Variants in PMFBP1 observed in about 807,000 individuals in gnomAD.
The protein encoded by PMFBP1 is polyamine-modulated factor 1-binding protein 1.
PMFBP1 carries 131 observed loss-of-function variants against 137.8 expected under a neutral mutation model. That is an observed-to-expected ratio of 0.95 (90% CI 0.82 to 1.10). The LOEUF is 1.10. Among genes scored for constraint, PMFBP1 ranks in the 50% least tolerant of loss-of-function variants. The probability of loss-of-function intolerance (pLI) is 0.00; values close to 1 mark genes in which losing one functional copy is unlikely to be tolerated. For missense variants in PMFBP1, 1,199 were observed against 1,175.4 expected, an observed-to-expected ratio of 1.02 and a Z score of -0.29; for synonymous variants, 490 against 450.4, an observed-to-expected ratio of 1.09 and a Z score of -1.11.
In PMFBP1 at chr16:72,135,753, T is replaced by TG. The variant is rs1248595241; in HGVS notation, c.1203+694_1203+695insC. 3.6e-4 allele frequency among the ~76,000 whole-genome samples: 50 copies of TG among 140,322 alleles called. 2 individuals are homozygous for TG. Among genetic ancestry groups the TG allele is most frequent in the East Asian group, 2.2e-3 (11 of 4,938 alleles). The allele number at this position is 140,322 out of a possible 152,430, so 92.1% of individuals were successfully genotyped here. On this transcript the variant is annotated intron_variant, in intron 9 of 20. Coordinates refer to ENST00000237353, the MANE Select transcript of PMFBP1 (RefSeq NM_031293.3). ...TTTAATTTTTCTGTTTTTTTTTTTT[T>TG]TTTTTTTTTTTGAGACAGGGTCTCA...
the PMFBP1 span, among the ~76,000 whole-genome samples, chr16:72,231,880 A>G: frequency 6.6e-6 from 1 of 152,132 alleles, no homozygotes; most frequent in South Asian, 2.1e-4. Context: ...GGTGGGAAAA[A>G]TTTTCCTCAC....
At chr16:72,156,420 C>T (rs888449261) in intron 3 of PMFBP1, among the ~76,000 whole-genome samples, 7 of 151,990 alleles carry the variant, frequency 4.6e-5, no homozygotes, top group African/African-American at 1.4e-4. Flanking sequence ...AGATCGAGAC[C>T]GTCCTGGCTA....
At chr16:72,144,700 G>A (rs1381555335) in intron 5 of PMFBP1, among the ~76,000 whole-genome samples, 5 of 152,098 alleles carry the variant, frequency 3.3e-5, no homozygotes, top group Non-Finnish European at 7.4e-5. Context: ...AATCCTGAAG[G>A]TAGTGAAGGC....
intron 19 of PMFBP1, 79 bp from the exon 20 acceptor site, chr16:72,120,168 G>A: frequency 1.2e-6 from 2 of 1,601,202 alleles, no homozygotes; most frequent in Non-Finnish European, 1.7e-6. Context: ...GACAGATAAA[G>A]GTGTCACAGG....
At position 72,130,207 on chromosome 16, in the gene PMFBP1, T is replaced by C. The variant is rs749145658; in HGVS notation, c.1782+6A>G. 2 of 1,611,760 alleles carry C rather than the reference T, an allele frequency of 1.2e-6. No homozygotes were observed. The highest frequency in any genetic ancestry group is 2.7e-5 in the African/African-American group (2 of 75,012). ...CTTGAATGGGCCATCTGCCTGCCCG[T>C]CATACCTGGTGCTTGATACGATCAA... is the stretch of plus-strand genomic sequence containing the variant. On this transcript the variant is annotated splice_donor_region_variant and intron_variant, in intron 12 of 20. Transcript: ENST00000237353.
intron 2 of PMFBP1, among the ~76,000 whole-genome samples, chr16:72,167,060 T>C (rs952318750): frequency 6.6e-6 from 1 of 152,184 alleles, no homozygotes; most frequent in East Asian, 1.9e-4. Flanking sequence ...TTTTGAAATA[T>C]ATGAGCTGCA....
At chr16:72,159,834 C>A in intron 3 of PMFBP1, among the ~76,000 whole-genome samples, 1 of 149,944 alleles carries the variant, frequency 6.7e-6, no homozygotes. Flanking sequence ...CTAATGAAGA[C>A]ACAGATATTT....
At chr16:72,120,215 G>A (rs2042357439) in intron 19 of PMFBP1, 126 bp from the exon 20 acceptor site, 4 of 1,466,664 alleles carry the variant, frequency 2.7e-6, no homozygotes, top group South Asian at 1.3e-5. Flanking sequence ...TTCAGAGCCG[G>A]CCTGTTACAC....
At chr16:72,225,461 G>A in the PMFBP1 span, among the ~76,000 whole-genome samples, 9,124 of 151,966 alleles carry the variant, frequency 0.06, 504 homozygotes, top group African/African-American at 0.15. Flanking sequence ...AGGCCAAGGC[G>A]GGAGGATCAC....
intron 2 of PMFBP1, among the ~76,000 whole-genome samples, chr16:72,170,035 CTT>C (rs10571051): frequency 0.5 from 75,202 of 151,450 alleles, 18,931 homozygotes; most frequent in South Asian, 0.61. Context: ...TTTTCACAGA[CTT>C]TTTTCACTAT....
At chr16:72,152,298 G>A (rs770056174) in intron 4 of PMFBP1, among the ~76,000 whole-genome samples, 1 of 152,076 alleles carries the variant, frequency 6.6e-6, no homozygotes, top group Non-Finnish European at 1.5e-5. Context: ...GTTATTTGCC[G>A]AGTCCTGTAT....
At chr16:72,230,345 T>C in the PMFBP1 span, among the ~76,000 whole-genome samples, 1 of 152,176 alleles carries the variant, frequency 6.6e-6, no homozygotes, top group Non-Finnish European at 1.5e-5. Flanking sequence ...ATCTTACATT[T>C]AAAGGGAAAT....
chr16:72,130,120 G>T, intron 12 of PMFBP1, 93 bp downstream of exon 12: 1 of 1,533,788 alleles, frequency 6.5e-7, no homozygotes, highest in Non-Finnish European at 8.8e-7. Context: ...CTCGCAAAGA[G>T]CTGAGATTAC....
chr16:72,164,908 C>G lies in PMFBP1; in HGVS notation c.21G>C (p.Glu7Asp). 1.3e-6 allele frequency: 2 copies of G among 1,585,744 alleles called. No individual in the cohort carries two copies. Among genetic ancestry groups the G allele is most frequent in the Non-Finnish European group, 1.7e-6 (2 of 1,159,330 alleles). MKDEAG[E>D]RDREVSSLNS... ...TCAGGCTGCTCACTTCTCTGTCTCT[C>G]TCCCCCGCCTAGGCAGCCAGAAAAA... is the stretch of plus-strand genomic sequence containing the variant. Residue 7 changes from glutamate (E) to aspartate (D), a missense_variant, in exon 3 of 21, where the codon GAG (glutamate) becomes GAC (aspartate). Physicochemically the swap from Glu to Asp is conservative, Grantham distance 45 (BLOSUM62 2). Coordinates refer to ENST00000237353, the MANE Select transcript of PMFBP1 (RefSeq NM_031293.3).
the PMFBP1 span, among the ~76,000 whole-genome samples, chr16:72,183,869 C>G: frequency 1.3e-5 from 2 of 152,132 alleles, no homozygotes; most frequent in African/African-American, 4.8e-5. Context: ...CTCTATCCCC[C>G]TTTCCCCATA....
At chr16:72,246,480 C>G in the PMFBP1 span, among the ~76,000 whole-genome samples, 1 of 152,006 alleles carries the variant, frequency 6.6e-6, no homozygotes, top group Admixed American at 6.6e-5. Context: ...GCCTCACCTG[C>G]CATTTCAGTC....
At chr16:72,246,851 G>C in the PMFBP1 span, among the ~76,000 whole-genome samples, 1 of 152,144 alleles carries the variant, frequency 6.6e-6, no homozygotes, top group Non-Finnish European at 1.5e-5. Context: ...AAGGAAGAAA[G>C]AGAGGGAGAG....
chr16:72,127,317 T>C (rs531618432), intron 14 of PMFBP1, among the ~76,000 whole-genome samples: 24 of 152,334 alleles, frequency 1.6e-4, no homozygotes, highest in Admixed American at 3.3e-4. Flanking sequence ...GCCCTGGTGG[T>C]GAAACTATTC....
At chr16:72,220,711 A>T in the PMFBP1 span, among the ~76,000 whole-genome samples, 23 of 152,312 alleles carry the variant, frequency 1.5e-4, no homozygotes, top group Middle Eastern at 3.4e-3. Context: ...ATTTTTCTCC[A>T]GGCCTTGCAG....
Sources: allele counts gnomAD v4.1 joint callset (sites outside exome capture counted in the v4.1 genomes callset), GRCh38; gene constraint gnomAD v4.1.1; transcripts MANE v1.5; gene names NCBI Gene and HGNC (gene_info 2026-07-23, HGNC 2026-07-21).